Variants in LEF1 observed in about 807,000 individuals in gnomAD.
The protein encoded by LEF1 is lymphoid enhancer binding factor 1, also known as lymphoid enhancer-binding factor 1.
In LEF1, 14 loss-of-function variants were observed where a neutral mutation model predicts 51.2. The observed-to-expected ratio is 0.27, with a 90% confidence interval of 0.18 to 0.43. The LOEUF is 0.43. LEF1 is among the 20% of genes least tolerant of loss of function. The pLI, the probability that LEF1 is intolerant of heterozygous loss-of-function variation, is 1.00. For synonymous variants in LEF1, 185 were observed against 183.2 expected, an observed-to-expected ratio of 1.01 and a Z score of -0.08; for missense variants, 386 against 512.0, an observed-to-expected ratio of 0.75 and a Z score of 2.37.
At chr4:108,068,128 G>A (rs1738205455) in intron 9 of LEF1, among the ~76,000 whole-genome samples, 1 of 151,942 alleles carries the variant, frequency 6.6e-6, no homozygotes, top group African/African-American at 2.4e-5. Flanking sequence ...TTAGCTGGGT[G>A]TGGTGGTGCA....
chr4:108,069,888 G>C (rs1264908376), intron 9 of LEF1, among the ~76,000 whole-genome samples: 1 of 151,020 alleles, frequency 6.6e-6, no homozygotes, highest in East Asian at 1.9e-4. Flanking sequence ...AACCCAGGAG[G>C]CAGAGGTTGC....
chr4:108,152,756 C>T (rs1000719087), intron 3 of LEF1, among the ~76,000 whole-genome samples: 2 of 152,316 alleles, frequency 1.3e-5, no homozygotes, highest in African/African-American at 2.4e-5. Context: ...CATTTGCAGA[C>T]GGGGCCAGTA....
At position 108,048,655 on chromosome 4, in the gene LEF1, G is replaced by A. The variant is rs377381991; in HGVS notation, c.*103C>T. On this transcript the variant is annotated 3_prime_UTR_variant, in exon 12 of 12. Coordinates refer to ENST00000265165, the MANE Select transcript of LEF1 (RefSeq NM_016269.5). Reference sequence around the variant, plus strand: ...CTTTGGGGTCGACTGGGCAGGCCGTGGAGACAGTCTGGGTTTTCAACAAGC... The same window carrying A: ...CTTTGGGGTCGACTGGGCAGGCCGTAGAGACAGTCTGGGTTTTCAACAAGC... 12 of 1,568,774 alleles carry A rather than the reference G, an allele frequency of 7.6e-6. No homozygotes were observed. The African/African-American group carries it at 1.5e-4, about 19-fold the overall frequency.
chr4:108,112,562 C>T (rs1741598143), intron 3 of LEF1, among the ~76,000 whole-genome samples: 1 of 152,138 alleles, frequency 6.6e-6, no homozygotes, highest in Admixed American at 6.5e-5. Context: ...TCTTTCTGTG[C>T]CTTGATTTTT....
intron 8 of LEF1, among the ~76,000 whole-genome samples, chr4:108,074,925 G>T (rs910574053): frequency 2.6e-5 from 4 of 152,106 alleles, no homozygotes; most frequent in Non-Finnish European, 5.9e-5. Context: ...GGGCCAGGGG[G>T]CCCTTAACTC....
At chr4:108,114,189 A>G (rs1741700805) in intron 3 of LEF1, among the ~76,000 whole-genome samples, 1 of 152,220 alleles carries the variant, frequency 6.6e-6, no homozygotes, top group African/African-American at 2.4e-5. Context: ...ACAAACATAA[A>G]GGAAAAGTGT....
chr4:108,111,096 T>A (rs1292017722), intron 3 of LEF1, among the ~76,000 whole-genome samples: 1 of 152,162 alleles, frequency 6.6e-6, no homozygotes, highest in Non-Finnish European at 1.5e-5. Context: ...AATATTTCCA[T>A]AGGATACACC....
chr4:108,164,601 T>C (rs1377600353), intron 2 of LEF1, among the ~76,000 whole-genome samples: 1 of 152,192 alleles, frequency 6.6e-6, no homozygotes, highest in East Asian at 1.9e-4. Context: ...TGCACATTCC[T>C]AATTATAAGT....
chr4:108,074,879 C>T (rs1206489786), intron 8 of LEF1, among the ~76,000 whole-genome samples: 1 of 152,128 alleles, frequency 6.6e-6, no homozygotes, highest in Non-Finnish European at 1.5e-5. Context: ...CATATCCTCA[C>T]TCTCTGTATT....
At chr4:108,145,623 G>C (rs1051386017) in intron 3 of LEF1, among the ~76,000 whole-genome samples, 2 of 152,170 alleles carry the variant, frequency 1.3e-5, no homozygotes, top group Non-Finnish European at 2.9e-5. Flanking sequence ...CTGGAAGCAA[G>C]ATGGAGCCAT....
chr4:108,107,360 G>GA (rs2071437441), intron 3 of LEF1, among the ~76,000 whole-genome samples: 1 of 150,842 alleles, frequency 6.6e-6, no homozygotes. Context: ...TCTACAAAGA[G>GA]AAAAAAAGAC....
intron 3 of LEF1, among the ~76,000 whole-genome samples, chr4:108,111,522 A>G (rs1405309719): frequency 2.0e-5 from 3 of 152,202 alleles, no homozygotes; most frequent in Non-Finnish European, 2.9e-5. Context: ...GCCACCATAT[A>G]TATTTCCAGC....
chr4:108,089,204 G>T lies in LEF1; in HGVS notation c.468C>A (p.Pro156=). Residue 156 remains proline (P), a synonymous_variant, in exon 4 of 12, where the codon CCC becomes CCA. Coordinates refer to ENST00000265165, the MANE Select transcript of LEF1 (RefSeq NM_016269.5). ...AGTGCTCGTCACTGTAAGTGATGAG[G>T]GGGGTGAGAGGATGGACCGCATGGG... ...QPSHAVHPLT[P]LITYSDEHFS... 3.1e-6 allele frequency: 5 copies of T among 1,614,082 alleles called. No homozygotes were observed. Among genetic ancestry groups the T allele is most frequent in the Non-Finnish European group, 4.2e-6 (5 of 1,179,954 alleles).
Position 108,167,863 on chromosome 4 carries a change from G to T in LEF1, c.-96C>A. On this transcript the variant is annotated 5_prime_UTR_variant, in exon 1 of 12. Coordinates refer to ENST00000265165, the MANE Select transcript of LEF1 (RefSeq NM_016269.5). The surrounding 1 kb of genome is among the most constrained non-coding windows in gnomAD (Gnocchi z 5.7). Reference sequence around the variant, plus strand: ...CTCAAGGGTGGGGGAGGAAAGGAGAGTTGGAAGGGTTCGTGCAGCAGGACA... The same window carrying T: ...CTCAAGGGTGGGGGAGGAAAGGAGATTTGGAAGGGTTCGTGCAGCAGGACA... 1 of 1,101,286 alleles carries T rather than the reference G, an allele frequency of 9.1e-7. No homozygotes were observed. The highest frequency in any genetic ancestry group is 1.3e-6 in the Non-Finnish European group (1 of 755,958). The allele number at this position is 1,101,286 out of a possible 1,614,324, so 68.2% of individuals were successfully genotyped here.
At chr4:108,158,510 A>G (rs1280842193) in intron 3 of LEF1, among the ~76,000 whole-genome samples, 1 of 152,118 alleles carries the variant, frequency 6.6e-6, no homozygotes, top group Non-Finnish European at 1.5e-5. Flanking sequence ...AATAAAACAT[A>G]TATGTTTTTC....
rs35942591 is a variant in LEF1, at chr4:108,077,025, C to CAAA, written c.1008+1192_1008+1194dup. Among the ~76,000 whole-genome samples, 714 of 97,352 alleles carry CAAA rather than the reference C, an allele frequency of 7.3e-3. 28 individuals are homozygous for CAAA. The highest frequency in any genetic ancestry group is 0.038 in the Admixed American group (338 of 8,834). 63.9% of individuals were successfully genotyped at this position (97,352 alleles called of 152,430 possible). ...CTGGGTGACAGAGCAAGACTCATCT[C>CAAA]AAAAAAAAAAAAAAAAAAAGAATGA... On this transcript the variant is annotated intron_variant, in intron 8 of 11. Coordinates refer to ENST00000265165, the MANE Select transcript of LEF1 (RefSeq NM_016269.5).
chr4:108,084,947 G>A (rs1198351104), intron 4 of LEF1, among the ~76,000 whole-genome samples: 2 of 151,534 alleles, frequency 1.3e-5, no homozygotes, highest in Admixed American at 6.6e-5. Context: ...TCAGTCGCGG[G>A]GATAAACAAA....
At chr4:108,080,583 A>C (rs112322138) in intron 6 of LEF1, among the ~76,000 whole-genome samples, 1 of 152,222 alleles carries the variant, frequency 6.6e-6, no homozygotes, top group Admixed American at 6.5e-5. Flanking sequence ...TGCTAAATGT[A>C]TTACTTGCAA....
intron 3 of LEF1, among the ~76,000 whole-genome samples, chr4:108,110,248 A>T: frequency 6.6e-6 from 1 of 152,196 alleles, no homozygotes; most frequent in East Asian, 1.9e-4. Flanking sequence ...ACTAAGTATT[A>T]TAAACCATTT....
Sources: gnomAD v4.1 joint callset for allele counts (sites outside exome capture counted in the v4.1 genomes callset) on GRCh38, gnomAD v4.1.1 for gene constraint, Gnocchi (gnomAD v3.1) non-coding constraint, MANE v1.5 for transcripts, NCBI Gene and HGNC (gene_info 2026-07-23, HGNC 2026-07-21) for gene names.